Variants in TPD52L3 observed in about 807,000 individuals in gnomAD.
TPD52L3 encodes tumor protein D55.
TPD52L3 carries 12 observed loss-of-function variants against 8.7 expected under a neutral mutation model. The observed-to-expected ratio is 1.38, with a 90% CI of 0.89 to 2.24. TPD52L3 has a LOEUF of 2.24. Ranked by LOEUF, TPD52L3 falls within the 30% of genes most tolerant of loss-of-function variation. TPD52L3 has a pLI of 0.00. For missense variants in TPD52L3, 207 were observed against 158.7 expected (o/e 1.30, Z -1.64); for synonymous variants, 79 against 66.8 (o/e 1.18, Z -0.89).
At position 6,331,132 on chromosome 9, in the gene TPD52L3, T is replaced by C; in HGVS notation, c.*113T>C. 9.0e-7 allele frequency: 1 copy of C among 1,110,128 alleles called. No homozygotes were observed. Among genetic ancestry groups the C allele is most frequent in the South Asian group, 1.5e-5 (1 of 67,528 alleles). 68.8% of individuals were successfully genotyped at this position (1,110,128 alleles called of 1,614,324 possible). A position where few individuals can be genotyped will look rare whatever the true frequency, so the allele number is the denominator to read the frequency against. On this transcript the variant is annotated 3_prime_UTR_variant, in exon 2 of 2. Coordinates refer to ENST00000314556, the MANE Select transcript of TPD52L3 (RefSeq NM_001001874.3). Reference sequence around the variant, plus strand: ...AAATATCGTGTTTATTCAAAGCCAATCTGAGACCCTACTCTGTATCAAGAA... The same window carrying C: ...AAATATCGTGTTTATTCAAAGCCAACCTGAGACCCTACTCTGTATCAAGAA...
intron 1 of TPD52L3, 135 bp from the exon 2 acceptor site, chr9:6,330,841 A>G: frequency 7.6e-6 from 11 of 1,451,932 alleles, no homozygotes; most frequent in Non-Finnish European, 1.0e-5. Flanking sequence ...TCATGGGCCA[A>G]ACCTGAGAGA....
rs1818127635 is a variant in TPD52L3 at position 6,330,317 on chromosome 9, A to G, written c.368-659A>G. On this transcript the variant is annotated intron_variant, in intron 1 of 1. Transcript: ENST00000314556. ...TACTTTTTGTTTGTTTTCCTTTTCC[A>G]TTTTCAAAATGCCAAGATCTGGGAG... The G allele has an allele frequency of 2.5e-5, 39 of 1,540,968 alleles. No individual in the cohort carries two copies. The South Asian group carries it at 4.5e-4, about 18-fold the overall frequency.
chr9:6,329,898 A>G (rs1026859637), intron 1 of TPD52L3: 2 of 1,244,786 alleles, frequency 1.6e-6, no homozygotes, highest in Non-Finnish European at 2.0e-6. Context: ...ATATATCAAA[A>G]TGAGTGTTTT....
intron 1 of TPD52L3, 71 bp downstream of exon 1, chr9:6,329,033 C>A (rs201430574): frequency 6.2e-7 from 1 of 1,610,168 alleles, no homozygotes; most frequent in Admixed American, 1.7e-5. Flanking sequence ...CTTTCTTCTG[C>A]GGAGGGTGGG....
rs559225686 is a variant in TPD52L3 at position 6,328,838 on chromosome 9, T to G, written c.243T>G (p.Leu81=). The G allele has an allele frequency of 1.6e-5, 26 of 1,614,190 alleles. No homozygotes were observed. The highest frequency in any genetic ancestry group is 2.2e-5 in the East Asian group (1 of 44,874). The part of the protein sequence containing the change: ...GLRQNLSKSW[L]DVQVSNTYVK... ...GACAGAATCTGTCCAAGAGCTGGCTTGATGTTCAGGTCTCCAACACCTATG... is the reference window on the plus strand; with the variant it reads ...GACAGAATCTGTCCAAGAGCTGGCTGGATGTTCAGGTCTCCAACACCTATG... The change falls in exon 1 of 2, where the codon CTT becomes CTG. Residue 81 remains leucine (L), a synonymous_variant. Transcript: ENST00000314556.
chr9:6,329,543 G>A (rs1818102854), intron 1 of TPD52L3: 1 of 1,006,266 alleles, frequency 9.9e-7, no homozygotes, highest in South Asian at 4.6e-5. Flanking sequence ...GCTTGAAAGA[G>A]GTATGAAGTA....
At chr9:6,329,888 A>T in intron 1 of TPD52L3, 2 of 1,217,616 alleles carry the variant, frequency 1.6e-6, no homozygotes, top group Non-Finnish European at 2.1e-6. Context: ...TAATTTCTTT[A>T]TATATCAAAA....
chr9:6,329,636 G>C (rs1183698918), intron 1 of TPD52L3: 1 of 1,001,364 alleles, frequency 1.0e-6, no homozygotes, highest in Admixed American at 6.1e-5. Context: ...CACCTTGAAA[G>C]CTTCACCTGG....
rs980033696 is a variant in TPD52L3, at chr9:6,328,419, A to T, written c.-177A>T. On this transcript the variant is annotated 5_prime_UTR_variant, in exon 1 of 2. Transcript: ENST00000314556. ...CAACTGTCAAGGTGTCCATTGTACCAGCTGGGCCATGGATCCCTCCCGCCT... is the reference window on the plus strand; with the variant it reads ...CAACTGTCAAGGTGTCCATTGTACCTGCTGGGCCATGGATCCCTCCCGCCT... 3 of 690,260 alleles carry T rather than the reference A, an allele frequency of 4.3e-6. No homozygotes were observed. The highest frequency in any genetic ancestry group is 4.8e-6 in the Non-Finnish European group (2 of 415,800). The allele number at this position is 690,260 out of a possible 1,614,324, so 42.8% of individuals were successfully genotyped here.
rs769366083 is a variant in TPD52L3, at chr9:6,328,791, C to CGTGA, written c.196_197insGTGA (p.Leu66ArgfsTer18). The CGTGA allele has an allele frequency of 1.2e-6, 2 of 1,614,196 alleles. No individual in the cohort carries two copies. Among genetic ancestry groups the CGTGA allele is most frequent in the Non-Finnish European group, 1.7e-6 (2 of 1,180,040 alleles). On this transcript the variant is annotated frameshift_variant, in exon 1 of 2. Coordinates refer to ENST00000314556, the MANE Select transcript of TPD52L3 (RefSeq NM_001001874.3). LOFTEE classifies it high-confidence loss of function. Reference sequence around the variant, plus strand: ...TGGGGAACTCAAGAGGAAGTTAGGCCTCACCGCCTTGGTAGGGCTGAGACA... The same window carrying CGTGA: ...TGGGGAACTCAAGAGGAAGTTAGGCCGTGATCACCGCCTTGGTAGGGCTGAGACA...
chr9:6,328,757 G>C lies in TPD52L3; in HGVS notation c.162G>C (p.Glu54Asp). Residue 54 changes from glutamate to aspartate, a missense_variant, in exon 1 of 2, where the codon GAG becomes GAC. Coordinates refer to ENST00000314556, the MANE Select transcript of TPD52L3 (RefSeq NM_001001874.3). ...TACGCCACGTACTAGCAGCCAAAGA[G>C]AGACGCTGTGGGGAACTCAAGAGGA... ...VTLRHVLAAK[E>D]RRCGELKRKL... 6.2e-7 allele frequency: 1 copy of C among 1,614,194 alleles called. No homozygotes were observed. The highest frequency in any genetic ancestry group is 8.5e-7 in the Non-Finnish European group (1 of 1,180,046).
intron 1 of TPD52L3, 86 bp from the exon 2 acceptor site, chr9:6,330,890 G>C: frequency 6.3e-7 from 1 of 1,575,626 alleles, no homozygotes; most frequent in South Asian, 1.2e-5. Context: ...ACAGTAGTAA[G>C]TTTCCCCAAT....
At chr9:6,330,072 A>G in intron 1 of TPD52L3, 1 of 1,531,586 alleles carries the variant, frequency 6.5e-7, no homozygotes, top group East Asian at 2.4e-5. Flanking sequence ...CCCTGTCTCA[A>G]GGAACATTTT....
chr9:6,329,394 C>A, intron 1 of TPD52L3: 1 of 1,062,070 alleles, frequency 9.4e-7, no homozygotes, highest in Non-Finnish European at 1.2e-6. Flanking sequence ...AGTTTGTAGA[C>A]GAAATGTGCC....
chr9:6,329,618 C>A, intron 1 of TPD52L3: 1 of 1,001,702 alleles, frequency 1.0e-6, no homozygotes, highest in Non-Finnish European at 1.2e-6. Context: ...TTCCCTCAGT[C>A]TCAAAGTCAC....
chr9:6,328,507 A>G lies in TPD52L3; in HGVS notation c.-89A>G, dbSNP rs141637710. Reference sequence around the variant, plus strand: ...GGCCTAGATTTCGACTCTGCTGGCCAAGATTATTTCTCTGCAGCCCAATAA... The same window carrying G: ...GGCCTAGATTTCGACTCTGCTGGCCGAGATTATTTCTCTGCAGCCCAATAA... On this transcript the variant is annotated 5_prime_UTR_variant, in exon 1 of 2. Transcript: ENST00000314556. 10 of 1,488,420 alleles carry G rather than the reference A, an allele frequency of 6.7e-6. No individual in the cohort carries two copies. The highest frequency in any genetic ancestry group is 9.0e-6 in the Non-Finnish European group (10 of 1,110,840). The allele number at this position is 1,488,420 out of a possible 1,614,324, so 92.2% of individuals were successfully genotyped here. A position where few individuals can be genotyped will look rare whatever the true frequency, so the allele number is the denominator to read the frequency against.
chr9:6,330,625 G>C (rs1818134175), intron 1 of TPD52L3: 2 of 1,165,732 alleles, frequency 1.7e-6, no homozygotes, highest in Admixed American at 4.5e-5. Flanking sequence ...GATTTCTGAA[G>C]ACAAAGTTTT....
rs990726233 is a variant in TPD52L3 at position 6,331,259 on chromosome 9, T to C, written c.*240T>C. On this transcript the variant is annotated 3_prime_UTR_variant, in exon 2 of 2. Transcript: ENST00000314556. ...AATTCAATGAGTCCTAAAATAGAGC[T>C]GTGTGCCAGAGATAAAAGAAGTCCT... is the stretch of plus-strand genomic sequence containing the variant. 1.0e-5 allele frequency: 4 copies of C among 384,574 alleles called. No individual in the cohort carries two copies. Among genetic ancestry groups the C allele is most frequent in the Admixed American group, 8.8e-5 (2 of 22,784 alleles). The allele number at this position is 384,574 out of a possible 1,614,324, so 23.8% of individuals were successfully genotyped here.
At chr9:6,329,685 T>G in intron 1 of TPD52L3, 1 of 1,001,812 alleles carries the variant, frequency 1.0e-6, no homozygotes, top group Non-Finnish European at 1.2e-6. Context: ...CAAGAAAACT[T>G]CATCTTCTCT....
Sources: gnomAD v4.1 joint callset for allele counts on GRCh38, gnomAD v4.1.1 for gene constraint, MANE v1.5 for transcripts, NCBI Gene and HGNC (gene_info 2026-07-23, HGNC 2026-07-21) for gene names.